The following DOCK1 variants were observed in gnomAD, a reference collection of about 807,000 sequenced individuals.
The protein encoded by DOCK1 is dedicator of cytokinesis 1.
Under a neutral mutation model 262.7 loss-of-function variants are expected in DOCK1, and 138 were observed. The ratio of observed to expected loss-of-function variants is 0.53; its 90% CI spans 0.46 to 0.61. DOCK1 has a LOEUF of 0.61. Ranked by LOEUF, DOCK1 falls within the 20% of genes least tolerant of loss-of-function variation. DOCK1 has a pLI of 0.00. For synonymous variants in DOCK1, 866 were observed against 867.4 expected, an observed-to-expected ratio of 1.00 and a Z score of 0.03; for missense variants, 1,908 against 2,370.7, an observed-to-expected ratio of 0.80 and a Z score of 4.05.
chr10:127,340,997 T>C (rs1461617903), intron 30 of DOCK1, among the ~76,000 whole-genome samples: 1 of 152,212 alleles, frequency 6.6e-6, no homozygotes. Context: ...TGGTTTCATG[T>C]TTTACTTGGC....
intron 16 of DOCK1, among the ~76,000 whole-genome samples, chr10:127,028,183 G>A (rs934573457): frequency 4.6e-5 from 7 of 152,140 alleles, no homozygotes; most frequent in African/African-American, 4.8e-5. Context: ...TATGTCTAAC[G>A]GGAGAAGCAG....
chr10:126,963,608 CCCTTCCCTTCCCTTCCCTT>C (rs2037405457), intron 1 of DOCK1, among the ~76,000 whole-genome samples: 2 of 63,766 alleles, frequency 3.1e-5, no homozygotes, highest in Non-Finnish European at 2.8e-5. Flanking sequence ...CCCTTCCCTT[CCCTTCCCTTCCCTTCCCTT>C]CCCTTCCCTT....
intron 29 of DOCK1, among the ~76,000 whole-genome samples, chr10:127,265,625 T>C (rs1440370855): frequency 6.6e-6 from 1 of 152,246 alleles, no homozygotes; most frequent in Non-Finnish European, 1.5e-5. Context: ...ATGATGTCTA[T>C]GGACACCTCA....
intron 49 of DOCK1, among the ~76,000 whole-genome samples, chr10:127,440,220 AGAATGAG>A (rs1351263086): frequency 6.6e-6 from 1 of 151,934 alleles, no homozygotes; most frequent in Non-Finnish European, 1.5e-5. Context: ...ATGAACTGAT[AGAATGAG>A]GACCCACTCA....
At chr10:127,368,453 G>A (rs1353957839) in intron 33 of DOCK1, among the ~76,000 whole-genome samples, 1 of 151,968 alleles carries the variant, frequency 6.6e-6, no homozygotes, top group African/African-American at 2.4e-5. Context: ...AACTCCTCGA[G>A]ACACCACCAC....
At chr10:127,237,031 T>A (rs2489424) in intron 27 of DOCK1, among the ~76,000 whole-genome samples, 34,146 of 152,016 alleles carry the variant, frequency 0.22, 3,944 homozygotes, top group East Asian at 0.35. Context: ...AAACTAATTT[T>A]GTATCATTTA....
chr10:127,281,595 A>G (rs1197976473), intron 29 of DOCK1, among the ~76,000 whole-genome samples: 1 of 152,136 alleles, frequency 6.6e-6, no homozygotes, highest in African/African-American at 2.4e-5. Flanking sequence ...CTCACCACAT[A>G]TTAGAGATGA....
intron 1 of DOCK1, among the ~76,000 whole-genome samples, chr10:126,907,124 C>T (rs1025922584): frequency 6.2e-5 from 3 of 48,634 alleles, no homozygotes; most frequent in African/African-American, 2.4e-4. Context: ...CAGTCTGCAT[C>T]AGAGGCGAGA....
At chr10:127,184,361 G>A (rs530412610) in intron 27 of DOCK1, among the ~76,000 whole-genome samples, 4 of 131,820 alleles carry the variant, frequency 3.0e-5, no homozygotes, top group Non-Finnish European at 4.6e-5. Flanking sequence ...TGCCCTATTC[G>A]TTTTTGTTTT....
chr10:126,990,825 T>G (rs2135004967), intron 6 of DOCK1, among the ~76,000 whole-genome samples: 1 of 152,324 alleles, frequency 6.6e-6, no homozygotes, highest in Non-Finnish European at 1.5e-5. Context: ...CTTCAAGGGA[T>G]AGAGTCAAGA....
intron 46 of DOCK1, among the ~76,000 whole-genome samples, chr10:127,421,161 C>T (rs927906819): frequency 2.6e-5 from 4 of 152,104 alleles, no homozygotes; most frequent in South Asian, 4.2e-4. Context: ...TCAGGTGATC[C>T]GCCCACCTTG....
At chr10:126,926,255 C>CT (rs559299060) in intron 1 of DOCK1, among the ~76,000 whole-genome samples, 2,642 of 145,158 alleles carry the variant, frequency 0.018, 79 homozygotes, top group African/African-American at 0.062. Context: ...TTCTTTCTTT[C>CT]TTTTTTTTTT....
At chr10:127,408,432 C>CG (rs1264981281) in intron 40 of DOCK1, among the ~76,000 whole-genome samples, 2 of 152,160 alleles carry the variant, frequency 1.3e-5, no homozygotes, top group Non-Finnish European at 2.9e-5. Context: ...GTCACTCACT[C>CG]GGGGGAGGCC....
intron 23 of DOCK1, among the ~76,000 whole-genome samples, chr10:127,077,914 T>C (rs1166829600): frequency 6.6e-6 from 1 of 150,996 alleles, no homozygotes; most frequent in African/African-American, 2.4e-5. Flanking sequence ...CAGGAGGGTA[T>C]GGATGGGAGG....
chr10:127,425,723 G>C (rs2068771726), intron 46 of DOCK1, 151 bp from the exon 47 acceptor site: 1 of 1,196,466 alleles, frequency 8.4e-7, no homozygotes, highest in African/African-American at 1.5e-5. Flanking sequence ...TTGGTCTTTG[G>C]TGGTAATATG....
At chr10:127,120,355 A>G (rs983894410) in intron 25 of DOCK1, among the ~76,000 whole-genome samples, 3 of 152,258 alleles carry the variant, frequency 2.0e-5, no homozygotes, top group Non-Finnish European at 2.9e-5. Flanking sequence ...TGTGCTGTCC[A>G]GCAGAAATAG....
At chr10:127,416,719 C>T (rs2068177482) in intron 44 of DOCK1, among the ~76,000 whole-genome samples, 1 of 152,214 alleles carries the variant, frequency 6.6e-6, no homozygotes, top group Admixed American at 6.5e-5. Context: ...TTTCTCAGTG[C>T]AAATGAGATT....
At chr10:127,269,403 T>C (rs181300480) in intron 29 of DOCK1, among the ~76,000 whole-genome samples, 17 of 152,328 alleles carry the variant, frequency 1.1e-4, no homozygotes, top group Non-Finnish European at 2.1e-4. Flanking sequence ...AGAAATTACA[T>C]TATAAAAAAA....
intron 29 of DOCK1, among the ~76,000 whole-genome samples, chr10:127,302,615 A>G (rs2061719784): frequency 6.6e-6 from 1 of 152,168 alleles, no homozygotes; most frequent in Non-Finnish European, 1.5e-5. Context: ...GAGAGGAACA[A>G]TTCAAACAAT....
Sources: gnomAD v4.1 joint callset for allele counts (sites outside exome capture counted in the v4.1 genomes callset) on GRCh38, gnomAD v4.1.1 for gene constraint, MANE v1.5 for transcripts, NCBI Gene and HGNC (gene_info 2026-07-23, HGNC 2026-07-21) for gene names.